Variants in CRAMP1 observed in about 807,000 individuals in gnomAD.
CRAMP1 encodes protein cramped-like.
Under a neutral mutation model 115.4 loss-of-function variants are expected in CRAMP1, and 50 were observed. The ratio of observed to expected loss-of-function variants is 0.43; its 90% confidence interval spans 0.35 to 0.55. The LOEUF (loss-of-function observed/expected upper bound fraction) is 0.55. CRAMP1 is among the 20% of genes least tolerant of loss of function. The probability of loss-of-function intolerance (pLI) is 0.01; values close to 1 mark genes in which losing one functional copy is unlikely to be tolerated. For missense variants in CRAMP1, 1,679 were observed against 1,721.7 expected (o/e 0.98, Z 0.44); for synonymous variants, 866 against 745.4 (o/e 1.16, Z -2.64).
intron 2 of CRAMP1, among the ~76,000 whole-genome samples, chr16:1,618,513 CAG>C (rs1462126177): frequency 6.6e-6 from 1 of 152,120 alleles, no homozygotes; most frequent in Non-Finnish European, 1.5e-5. Flanking sequence ...GGGGTGGGGA[CAG>C]AGAGCCTCTG....
intron 6 of CRAMP1, chr16:1,645,436 C>T: frequency 5.5e-6 from 1 of 181,222 alleles, no homozygotes. Context: ...TATCCTCCCA[C>T]CTTGGCCTCC....
In CRAMP1 at chr16:1,637,927, G is replaced by A. The variant is rs776832384; in HGVS notation, c.778+20G>A. 2.2e-6 allele frequency: 3 copies of A among 1,362,414 alleles called. No individual in the cohort carries two copies. Among genetic ancestry groups the A allele is most frequent in the Non-Finnish European group, 3.0e-6 (3 of 1,007,614 alleles). The allele number at this position is 1,362,414 out of a possible 1,614,324, so 84.4% of individuals were successfully genotyped here. ...GGGGCTGTGAGTACGCTGACTGTGG[G>A]GTTGCCCACGGCTCCTCCTGTCCTT... On this transcript the variant is annotated intron_variant, in intron 5 of 20. Coordinates refer to ENST00000397412, the MANE Select transcript of CRAMP1 (RefSeq NM_020825.4).
Position 1,674,183 on chromosome 16 carries a change from T to C in CRAMP1, c.*138T>C. 2 of 848,336 alleles carry C rather than the reference T, an allele frequency of 2.4e-6. No homozygotes were observed. Among genetic ancestry groups the C allele is most frequent in the Non-Finnish European group, 3.6e-6 (2 of 561,286 alleles). The allele number at this position is 848,336 out of a possible 1,614,324, so 52.6% of individuals were successfully genotyped here. On this transcript the variant is annotated 3_prime_UTR_variant, in exon 21 of 21. Transcript: ENST00000397412. ...ACGGGCAGGAACGTGGTCACAGAGC[T>C]GCTTCCCCACGAGCAGCAGGCAACG... is the stretch of plus-strand genomic sequence containing the variant.
intron 6 of CRAMP1, among the ~76,000 whole-genome samples, chr16:1,641,908 G>T (rs185348437): frequency 2.0e-5 from 3 of 151,966 alleles, no homozygotes; most frequent in Non-Finnish European, 4.4e-5. Context: ...GCCTGGGGGG[G>T]GGTCCCCGTT....
chr16:1,665,012 G>C, intron 13 of CRAMP1, 45 bp from the exon 14 acceptor site: 1 of 1,308,720 alleles, frequency 7.6e-7, no homozygotes, highest in Non-Finnish European at 1.1e-6. Flanking sequence ...TGATTTTTTG[G>C]TATGGGAGTT....
intron 2 of CRAMP1, among the ~76,000 whole-genome samples, chr16:1,622,051 G>A (rs1317231153): frequency 2.0e-5 from 3 of 152,236 alleles, no homozygotes; most frequent in Middle Eastern, 3.4e-3. Flanking sequence ...GGCTGTCATC[G>A]TATTCTACCA....
Position 1,647,020 on chromosome 16 carries a change from C to T in CRAMP1, c.828-5476C>T, listed in dbSNP as rs760253843. On this transcript the variant is annotated intron_variant, in intron 6 of 20. Coordinates refer to ENST00000397412, the MANE Select transcript of CRAMP1 (RefSeq NM_020825.4). ...TTGTGACCGTTCTTTGACCAGCAGA[C>T]ATTCGTATTTACAAACAAACAGGAA... is the stretch of plus-strand genomic sequence containing the variant. The T allele has an allele frequency of 4.8e-5, 34 of 702,846 alleles. No homozygotes were observed. The East Asian group carries it at 7.5e-4, about 16-fold the overall frequency. 43.5% of individuals were successfully genotyped at this position (702,846 alleles called of 1,614,324 possible). A position where few individuals can be genotyped will look rare whatever the true frequency, so the allele number is the denominator to read the frequency against.
chr16:1,652,923 T>G, intron 7 of CRAMP1, 110 bp from the exon 8 acceptor site: 1 of 1,334,340 alleles, frequency 7.5e-7, no homozygotes, highest in South Asian at 1.4e-5. Flanking sequence ...TGCCTCTGTT[T>G]GCAAGGCCAT....
In CRAMP1 at chr16:1,666,646, G is replaced by A. The variant is rs1272945488; in HGVS notation, c.3036+46G>A. On this transcript the variant is annotated intron_variant, in intron 16 of 20. Transcript: ENST00000397412. This position sits in a 1 kb window ranked among gnomAD's most constrained non-coding sequence, Gnocchi z 5.0. Reference sequence around the variant, plus strand: ...TTTTCAGCATTACCACCAACTTCTGGTGTGGACGCCAAAGCCATGGGGCTG... The same window carrying A: ...TTTTCAGCATTACCACCAACTTCTGATGTGGACGCCAAAGCCATGGGGCTG... The A allele has an allele frequency of 1.3e-6, 2 of 1,558,836 alleles. No homozygotes were observed. Among genetic ancestry groups the A allele is most frequent in the African/African-American group, 1.4e-5 (1 of 73,876 alleles).
intron 11 of CRAMP1, among the ~76,000 whole-genome samples, chr16:1,660,869 G>A (rs964800355): frequency 5.9e-5 from 9 of 152,218 alleles, no homozygotes; most frequent in East Asian, 5.8e-4. Context: ...CTAGTCTGAC[G>A]TGGTGGTGCG....
chr16:1,615,678 A>G (rs146767565), intron 2 of CRAMP1, among the ~76,000 whole-genome samples: 14 of 152,378 alleles, frequency 9.2e-5, no homozygotes, highest in African/African-American at 3.1e-4. Context: ...GATAGTAAGA[A>G]AACGGCATGT....
chr16:1,663,828 G>T (rs918554571), intron 13 of CRAMP1, among the ~76,000 whole-genome samples: 1 of 151,976 alleles, frequency 6.6e-6, no homozygotes, highest in African/African-American at 2.4e-5. Context: ...TACAATTTGT[G>T]TTCTTTTCCA....
chr16:1,641,016 A>G (rs1040067292), intron 5 of CRAMP1, 123 bp from the exon 6 acceptor site: 10 of 669,050 alleles, frequency 1.5e-5, no homozygotes, highest in Non-Finnish European at 2.3e-5. Context: ...CTTTTATTCC[A>G]GAGGAACTTT....
intron 4 of CRAMP1, among the ~76,000 whole-genome samples, chr16:1,635,321 C>A (rs2142181008): frequency 6.6e-6 from 1 of 152,348 alleles, no homozygotes; most frequent in East Asian, 1.9e-4. Flanking sequence ...CCGCCCCCAG[C>A]TTGGGGGCCT....
At chr16:1,642,868 T>A (rs1340782431) in intron 6 of CRAMP1, among the ~76,000 whole-genome samples, 1 of 152,226 alleles carries the variant, frequency 6.6e-6, no homozygotes. Flanking sequence ...GAGTGGCCTG[T>A]CCGATGAGCG....
chr16:1,655,264 C>T lies in CRAMP1; in HGVS notation c.1083C>T (p.Phe361=), dbSNP rs545923621. ...LHRKVSSLIE[F]LKQKWALHEV... is the part of the protein sequence containing the mutation. ...GAAAGGTCTCCAGCCTCATCGAATT[C>T]TTGAAGCAGAAGTGGGCGCTCCATG... Residue 361 remains phenylalanine, a synonymous_variant, in exon 9 of 21, where the codon TTC becomes TTT. Coordinates refer to ENST00000397412, the MANE Select transcript of CRAMP1 (RefSeq NM_020825.4). The T allele has an allele frequency of 2.5e-6, 4 of 1,614,022 alleles. No homozygotes were observed. The highest frequency in any genetic ancestry group is 2.2e-5 in the East Asian group (1 of 44,886).
chr16:1,660,009 G>A lies in CRAMP1; in HGVS notation c.2359G>A (p.Ala787Thr). 2 of 1,602,994 alleles carry A rather than the reference G, an allele frequency of 1.2e-6. No homozygotes were observed. Among genetic ancestry groups the A allele is most frequent in the Non-Finnish European group, 1.7e-6 (2 of 1,179,518 alleles). The change falls in exon 11 of 21, where the codon GCC becomes ACC. Residue 787 changes from alanine (A) to threonine (T), a missense_variant. Coordinates refer to ENST00000397412, the MANE Select transcript of CRAMP1 (RefSeq NM_020825.4). ...CAGCCCCCGCTGCCCTCGGAACCAG[G>A]CCTCCCTCCGCAGCAGCAAGACCTT... ...SRSPRCPRNQ[A>T]SLRSSKTFPP...
chr16:1,634,125 C>T (rs757202117), intron 4 of CRAMP1, among the ~76,000 whole-genome samples: 57 of 151,846 alleles, frequency 3.8e-4, no homozygotes, highest in African/African-American at 1.4e-3. Flanking sequence ...TGGCCAGCAG[C>T]GGAGGGGACT....
chr16:1,636,435 C>G (rs541694864), intron 4 of CRAMP1, among the ~76,000 whole-genome samples: 1 of 152,226 alleles, frequency 6.6e-6, no homozygotes, highest in East Asian at 1.9e-4. Context: ...TTAGGTCTTT[C>G]TCTCAGAAGA....
Sources: allele counts gnomAD v4.1 joint callset (sites outside exome capture counted in the v4.1 genomes callset), GRCh38; gene constraint gnomAD v4.1.1; non-coding constraint Gnocchi (gnomAD v3.1); transcripts MANE v1.5; gene names NCBI Gene and HGNC (gene_info 2026-07-23, HGNC 2026-07-21).